The following FRMPD1 variants were observed in gnomAD, a reference collection of about 807,000 sequenced individuals.
FRMPD1 encodes the protein FERM and PDZ domain-containing protein 1.
Under a neutral mutation model 117.8 loss-of-function variants are expected in FRMPD1, and 76 were observed. The observed-to-expected ratio is 0.65, with a 90% CI of 0.54 to 0.78. FRMPD1 has a LOEUF of 0.78. Among genes scored for constraint, FRMPD1 ranks in the 30% least tolerant of loss-of-function variants. FRMPD1 has a pLI of 0.00. For synonymous variants in FRMPD1, 783 were observed against 770.4 expected, an observed-to-expected ratio of 1.02 and a Z score of -0.27; for missense variants, 1,786 against 1,964.5, an observed-to-expected ratio of 0.91 and a Z score of 1.72.
At chr9:37,627,155 GT>G in the FRMPD1 span, among the ~76,000 whole-genome samples, 1 of 152,076 alleles carries the variant, frequency 6.6e-6, no homozygotes, top group Admixed American at 6.6e-5. Context: ...TTCAGCTCCA[GT>G]TTAAAGTCCT....
the FRMPD1 span, among the ~76,000 whole-genome samples, chr9:37,604,291 T>C: frequency 2.0e-5 from 3 of 152,230 alleles, no homozygotes; most frequent in African/African-American, 7.2e-5. Context: ...AAAGTGTCTA[T>C]TTGCCTAATT....
chr9:37,604,377 A>T, the FRMPD1 span, among the ~76,000 whole-genome samples: 1 of 152,234 alleles, frequency 6.6e-6, no homozygotes, highest in South Asian at 2.1e-4. Context: ...GTGAGTAGAG[A>T]AGAAAATAAC....
At chr9:37,704,189 A>G (rs973589545) in intron 2 of FRMPD1, among the ~76,000 whole-genome samples, 4 of 152,182 alleles carry the variant, frequency 2.6e-5, no homozygotes, top group Admixed American at 2.0e-4. Context: ...TTTCAACTGT[A>G]ACTTTTCTGA....
the FRMPD1 span, chr9:37,636,704 C>T: frequency 2.6e-6 from 4 of 1,566,886 alleles, no homozygotes; most frequent in Non-Finnish European, 3.4e-6. Context: ...ACAACCACCG[C>T]CAGCCGGCTT....
chr9:37,635,112 G>T, the FRMPD1 span, among the ~76,000 whole-genome samples: 224 of 152,214 alleles, frequency 1.5e-3, 2 homozygotes, highest in African/African-American at 5.2e-3. Context: ...TATTGAAATT[G>T]CCATTATGAC....
At chr9:37,639,602 T>C in the FRMPD1 span, among the ~76,000 whole-genome samples, 1 of 152,198 alleles carries the variant, frequency 6.6e-6, no homozygotes, top group East Asian at 1.9e-4. Flanking sequence ...TCGTAACACC[T>C]CTCAGTAAAA....
chr9:37,746,204 C>T lies in FRMPD1; in HGVS notation c.4172C>T (p.Ala1391Val), dbSNP rs1563968673. The T allele has an allele frequency of 1.9e-6, 3 of 1,613,350 alleles. No individual in the cohort carries two copies. The highest frequency in any genetic ancestry group is 4.5e-5 in the East Asian group (2 of 44,896). ...RPARAHSCTT[A>V]PLSRKSHIWP... ...GCCCGAGCCCACAGCTGCACCACCGCACCCCTGTCGAGGAAAAGCCACATC... is the reference window on the plus strand; with the variant it reads ...GCCCGAGCCCACAGCTGCACCACCGTACCCCTGTCGAGGAAAAGCCACATC... The change falls in exon 16 of 16, where the codon GCA (alanine) becomes GTA (valine). Residue 1391 changes from alanine to valine, a missense_variant. By Grantham distance (64) the Ala-to-Val change is moderately conservative (BLOSUM62 0). Transcript: ENST00000377765.
chr9:37,627,076 G>GT, the FRMPD1 span, among the ~76,000 whole-genome samples: 6 of 111,556 alleles, frequency 5.4e-5, no homozygotes, highest in Admixed American at 3.6e-4. Flanking sequence ...GTTTTCCTGC[G>GT]TTTTCCCAGA....
chr9:37,744,661 C>G lies in FRMPD1; in HGVS notation c.2629C>G (p.Leu877Val). The G allele has an allele frequency of 6.2e-7, 1 of 1,614,084 alleles. No homozygotes were observed. The highest frequency in any genetic ancestry group is 8.5e-7 in the Non-Finnish European group (1 of 1,179,994). ...CYYDREPYLA[L>V]GAPSPTVSSL... The stretch of plus-strand genomic sequence containing the variant: ...CTATGACAGGGAGCCCTACCTGGCC[C>G]TTGGTGCACCCTCCCCAACTGTGTC... The change falls in exon 16 of 16, where the codon CTT becomes GTT. Residue 877 changes from leucine (L) to valine (V), a missense_variant. Leu to Val is a conservative substitution (Grantham distance 32). Coordinates refer to ENST00000377765, the MANE Select transcript of FRMPD1 (RefSeq NM_014907.3).
rs572972024 is a variant in FRMPD1 at position 37,662,621 on chromosome 9, G to A, written c.-5+11527G>A. Reference sequence around the variant, plus strand: ...AGGGAGGAGCTATCTAGAAATGTTTGTTACTACATAAAAATATGAATGATG... The same window carrying A: ...AGGGAGGAGCTATCTAGAAATGTTTATTACTACATAAAAATATGAATGATG... On this transcript the variant is annotated intron_variant, in intron 1 of 15. Coordinates refer to ENST00000377765, the MANE Select transcript of FRMPD1 (RefSeq NM_014907.3). Among the ~76,000 whole-genome samples the A allele has an allele frequency of 2.8e-4, 42 of 152,278 alleles. No individual in the cohort carries two copies. The South Asian group carries it at 8.5e-3, about 31-fold the overall frequency.
At chr9:37,667,061 G>GTTTTTTTTTTTTT (rs1563923428) in intron 1 of FRMPD1, among the ~76,000 whole-genome samples, 3 of 67,006 alleles carry the variant, frequency 4.5e-5, no homozygotes, top group African/African-American at 1.2e-4. Context: ...ATTGAAGCAT[G>GTTTTTTTTTTTTT]CTTTTTTTTT....
At chr9:37,727,955 T>G (rs1267285562) in intron 7 of FRMPD1, 1 of 152,240 alleles carries the variant, frequency 6.6e-6, no homozygotes, top group Non-Finnish European at 1.5e-5. Flanking sequence ...GCATCTATTA[T>G]GTGCCAAGCA....
the FRMPD1 span, among the ~76,000 whole-genome samples, chr9:37,615,717 A>G: frequency 6.6e-6 from 1 of 152,052 alleles, no homozygotes; most frequent in Admixed American, 6.6e-5. Flanking sequence ...CTTATTTAAC[A>G]TTGTCGGGAT....
At chr9:37,636,416 A>AG in the FRMPD1 span, among the ~76,000 whole-genome samples, 4 of 152,062 alleles carry the variant, frequency 2.6e-5, no homozygotes, top group Admixed American at 2.0e-4. Context: ...AAAGGTGTGT[A>AG]GGGGGGGCAT....
intron 3 of FRMPD1, 54 bp from the exon 4 acceptor site, chr9:37,708,345 T>C (rs1301282761): frequency 3.7e-6 from 4 of 1,082,568 alleles, no homozygotes; most frequent in East Asian, 2.4e-5. Context: ...CTATTACACA[T>C]AGAGTCTGGG....
chr9:37,716,479 C>T (rs935236135), intron 5 of FRMPD1, among the ~76,000 whole-genome samples: 2 of 152,188 alleles, frequency 1.3e-5, no homozygotes, highest in Non-Finnish European at 2.9e-5. Flanking sequence ...CAGGGAACCT[C>T]CTCTTCCTAA....
At chr9:37,672,653 G>A (rs534045720) in intron 1 of FRMPD1, among the ~76,000 whole-genome samples, 10 of 152,288 alleles carry the variant, frequency 6.6e-5, no homozygotes, top group African/African-American at 2.4e-4. Flanking sequence ...ATATGAGCCT[G>A]TATTAGTCTG....
intron 3 of FRMPD1, among the ~76,000 whole-genome samples, 190 bp downstream of exon 3, chr9:37,707,763 A>C (rs1189665618): frequency 3.3e-5 from 5 of 152,216 alleles, no homozygotes; most frequent in Non-Finnish European, 5.9e-5. Flanking sequence ...CCTCAAGTGC[A>C]CTTGCCGCTC....
At chr9:37,671,454 A>T (rs1473525345) in intron 1 of FRMPD1, among the ~76,000 whole-genome samples, 2 of 152,162 alleles carry the variant, frequency 1.3e-5, no homozygotes, top group African/African-American at 2.4e-5. Context: ...TTAGTCATTC[A>T]ATGAGTATTT....
Sources: gnomAD v4.1 joint callset for allele counts (sites outside exome capture counted in the v4.1 genomes callset) on GRCh38, gnomAD v4.1.1 for gene constraint, MANE v1.5 for transcripts, NCBI Gene and HGNC (gene_info 2026-07-23, HGNC 2026-07-21) for gene names.